The following SGF29 variants were observed in gnomAD, a reference collection of about 807,000 sequenced individuals.
SGF29 encodes SAGA complex associated factor 29, also known as SAGA-associated factor 29.
In SGF29, 15 loss-of-function variants were observed where a neutral mutation model predicts 38.1. The ratio of observed to expected loss-of-function variants is 0.39; its 90% CI spans 0.26 to 0.61. The LOEUF (loss-of-function observed/expected upper bound fraction) is 0.61, where lower values mean the gene tolerates loss of function less well. Among genes scored for constraint, SGF29 ranks in the 20% least tolerant of loss-of-function variants. SGF29 has a pLI of 0.49. For missense variants in SGF29, 184 were observed against 394.6 expected, an observed-to-expected ratio of 0.47 and a Z score of 4.52; for synonymous variants, 151 against 160.8, an observed-to-expected ratio of 0.94 and a Z score of 0.46.
At chr16:28,586,872 G>A (rs914398059) in intron 4 of SGF29, among the ~76,000 whole-genome samples, 1 of 152,152 alleles carries the variant, frequency 6.6e-6, no homozygotes, top group African/African-American at 2.4e-5. Context: ...GATTAAGACA[G>A]GGTCTCAGTC....
chr16:28,583,450 G>A (rs1423184921), intron 2 of SGF29, among the ~76,000 whole-genome samples: 1 of 152,176 alleles, frequency 6.6e-6, no homozygotes. Flanking sequence ...ACTATTGGCT[G>A]TCTTGAGCAC....
intron 2 of SGF29, among the ~76,000 whole-genome samples, chr16:28,584,337 C>A (rs2046942790): frequency 6.6e-6 from 1 of 151,832 alleles, no homozygotes; most frequent in Admixed American, 6.6e-5. Flanking sequence ...AGGAGAAAAT[C>A]ATCTTGAACT....
chr16:28,559,914 G>GT (rs2046775706), intron 1 of SGF29, among the ~76,000 whole-genome samples: 1 of 152,090 alleles, frequency 6.6e-6, no homozygotes, highest in African/African-American at 2.4e-5. Flanking sequence ...CATCTACAAT[G>GT]TCCAGGATAT....
At chr16:28,555,389 T>C (rs866651365) in intron 1 of SGF29, among the ~76,000 whole-genome samples, 2 of 151,912 alleles carry the variant, frequency 1.3e-5, no homozygotes, top group African/African-American at 2.4e-5. Context: ...GGCACAATAA[T>C]CACTTAAACC....
At chr16:28,556,654 GT>G (rs1254093398) in intron 1 of SGF29, among the ~76,000 whole-genome samples, 1 of 150,860 alleles carries the variant, frequency 6.6e-6, no homozygotes, top group Non-Finnish European at 1.5e-5. Flanking sequence ...ACCTACTTAT[GT>G]TTTTTTTAGA....
intron 1 of SGF29, among the ~76,000 whole-genome samples, chr16:28,556,105 G>A (rs958458753): frequency 6.6e-6 from 1 of 152,098 alleles, no homozygotes; most frequent in Admixed American, 6.6e-5. Flanking sequence ...CAATACAGAG[G>A]CATGAAGGAA....
intron 1 of SGF29, among the ~76,000 whole-genome samples, chr16:28,568,083 T>G (rs994283964): frequency 6.6e-6 from 1 of 151,218 alleles, no homozygotes; most frequent in Non-Finnish European, 1.5e-5. Context: ...GAGGCTGAGG[T>G]GGGTGGATCA....
At chr16:28,571,560 T>C (rs1455270458) in intron 1 of SGF29, among the ~76,000 whole-genome samples, 11 of 140,530 alleles carry the variant, frequency 7.8e-5, no homozygotes, top group Admixed American at 2.3e-4. Context: ...GCCACTGCAC[T>C]CCAGCCTGGC....
intron 1 of SGF29, among the ~76,000 whole-genome samples, chr16:28,572,565 G>A (rs1287309288): frequency 1.3e-5 from 2 of 152,202 alleles, no homozygotes; most frequent in Non-Finnish European, 2.9e-5. Flanking sequence ...CACTGCGCCC[G>A]GTAGAAGGCC....
At chr16:28,572,339 G>A (rs1350398157) in intron 1 of SGF29, among the ~76,000 whole-genome samples, 2 of 151,184 alleles carry the variant, frequency 1.3e-5, no homozygotes, top group African/African-American at 2.4e-5. Context: ...GCACGATCTC[G>A]GCTCACTGCA....
intron 1 of SGF29, among the ~76,000 whole-genome samples, chr16:28,574,410 CTGG>C (rs951487608): frequency 1.2e-4 from 18 of 152,234 alleles, no homozygotes; most frequent in Non-Finnish European, 1.0e-4. Flanking sequence ...CTTCACTGTT[CTGG>C]TGATGTGCCC....
At chr16:28,585,263 G>T in intron 3 of SGF29, 1 of 512,396 alleles carries the variant, frequency 2.0e-6, no homozygotes, top group Non-Finnish European at 3.5e-6. Context: ...GTGTTTTCTA[G>T]AAAGGAGCTT....
At chr16:28,559,477 G>A (rs936230896) in intron 1 of SGF29, among the ~76,000 whole-genome samples, 17 of 152,220 alleles carry the variant, frequency 1.1e-4, no homozygotes, top group African/African-American at 3.1e-4. Context: ...TCCGCCTCCC[G>A]GATTCAAGCG....
At chr16:28,571,084 A>G (rs2046862074) in intron 1 of SGF29, among the ~76,000 whole-genome samples, 1 of 152,054 alleles carries the variant, frequency 6.6e-6, no homozygotes, top group African/African-American at 2.4e-5. Context: ...TTGATCCCCA[A>G]CATGGTGGGG....
At chr16:28,580,693 C>A (rs954332156) in intron 1 of SGF29, among the ~76,000 whole-genome samples, 1 of 152,186 alleles carries the variant, frequency 6.6e-6, no homozygotes, top group African/African-American at 2.4e-5. Flanking sequence ...TTATTACTAT[C>A]TTTTAAAGGG....
At chr16:28,559,584 C>T (rs1345833277) in intron 1 of SGF29, among the ~76,000 whole-genome samples, 2 of 152,050 alleles carry the variant, frequency 1.3e-5, no homozygotes, top group East Asian at 3.9e-4. Flanking sequence ...CAGTGTTGGC[C>T]AGGCTGGTCT....
At chr16:28,554,399 G>C (rs1390954029) in intron 1 of SGF29, among the ~76,000 whole-genome samples, 2 of 152,214 alleles carry the variant, frequency 1.3e-5, no homozygotes, top group Non-Finnish European at 2.9e-5. Context: ...GCAGCTTCCA[G>C]GTGGGGTACT....
At chr16:28,588,634 G>A (rs911348837) in intron 4 of SGF29, 12 of 430,320 alleles carry the variant, frequency 2.8e-5, no homozygotes, top group Non-Finnish European at 5.0e-5. Flanking sequence ...ACGCGATCTC[G>A]GTTCACTGCA....
At position 28,573,907 on chromosome 16, in the gene SGF29, A is replaced by G. The variant is rs966012637; in HGVS notation, c.-15-7148A>G. On this transcript the variant is annotated intron_variant, in intron 1 of 9. Coordinates refer to ENST00000317058, the MANE Select transcript of SGF29 (RefSeq NM_138414.3). Reference sequence around the variant, plus strand: ...CCAGATGACTTGGCCACGTGGTTGCAGCACCTCTCGCTGTTTGTGACAGTG... The same window carrying G: ...CCAGATGACTTGGCCACGTGGTTGCGGCACCTCTCGCTGTTTGTGACAGTG... 2.0e-5 allele frequency among the ~76,000 whole-genome samples: 3 copies of G among 152,126 alleles called. No homozygotes were observed. The South Asian group carries it at 6.2e-4, about 31-fold the overall frequency.
Sources: allele counts gnomAD v4.1 joint callset (sites outside exome capture counted in the v4.1 genomes callset), GRCh38; gene constraint gnomAD v4.1.1; transcripts MANE v1.5; gene names NCBI Gene and HGNC (gene_info 2026-07-23, HGNC 2026-07-21).